Variants in TP63 observed in about 807,000 individuals in gnomAD.
TP63 encodes tumor protein p63, also known as tumor protein 63.
Under a neutral mutation model 82.8 loss-of-function variants are expected in TP63, and 17 were observed. The ratio of observed to expected loss-of-function variants is 0.21; its 90% CI spans 0.14 to 0.31. TP63 has a LOEUF of 0.31. Among genes scored for constraint, TP63 ranks in the 10% least tolerant of loss-of-function variants. The pLI, the probability that TP63 is intolerant of heterozygous loss-of-function variation, is 1.00. For synonymous variants in TP63, 330 were observed against 321.7 expected, an observed-to-expected ratio of 1.03 and a Z score of -0.28; for missense variants, 648 against 895.3, an observed-to-expected ratio of 0.72 and a Z score of 3.52.
At chr3:189,756,345 A>C (rs1398672276) in intron 3 of TP63, among the ~76,000 whole-genome samples, 1 of 152,082 alleles carries the variant, frequency 6.6e-6, no homozygotes, top group Non-Finnish European at 1.5e-5. Flanking sequence ...CTCAATATTC[A>C]CTCCGTTTAG....
intron 3 of TP63, among the ~76,000 whole-genome samples, chr3:189,752,440 C>T (rs1315589398): frequency 6.6e-6 from 1 of 152,152 alleles, no homozygotes. Flanking sequence ...CTCAGCCTCC[C>T]AAATTTCTAA....
At chr3:189,820,671 T>G (rs1181579065) in intron 4 of TP63, among the ~76,000 whole-genome samples, 1 of 152,198 alleles carries the variant, frequency 6.6e-6, no homozygotes, top group Non-Finnish European at 1.5e-5. Flanking sequence ...CATTTGTTAG[T>G]TAGATGTTTT....
intron 3 of TP63, among the ~76,000 whole-genome samples, chr3:189,745,638 C>T (rs887549682): frequency 8.0e-5 from 10 of 125,166 alleles, no homozygotes; most frequent in Middle Eastern, 6.2e-3. Context: ...ACCCAGGAGG[C>T]GGAGGTTGCA....
At chr3:189,717,228 G>C (rs1193214036) in intron 1 of TP63, among the ~76,000 whole-genome samples, 2 of 152,068 alleles carry the variant, frequency 1.3e-5, no homozygotes, top group Admixed American at 1.3e-4. Flanking sequence ...CTGCTCCCAT[G>C]TTTCAACATC....
chr3:189,744,615 G>A (rs1427463143), intron 3 of TP63, among the ~76,000 whole-genome samples: 1 of 152,116 alleles, frequency 6.6e-6, no homozygotes, highest in Non-Finnish European at 1.5e-5. Flanking sequence ...GCAGGCCTGG[G>A]GTCTGGCCCA....
At chr3:189,839,790 T>A (rs1157247556) in intron 4 of TP63, among the ~76,000 whole-genome samples, 3 of 152,194 alleles carry the variant, frequency 2.0e-5, no homozygotes, top group Non-Finnish European at 4.4e-5. Flanking sequence ...CAGGACAAGC[T>A]TGCAGTGGGC....
intron 1 of TP63, 60 bp downstream of exon 1, chr3:189,631,637 G>C (rs908607232): frequency 3.1e-6 from 5 of 1,610,260 alleles, no homozygotes; most frequent in Non-Finnish European, 4.2e-6. Flanking sequence ...TGTGTATTAT[G>C]AATGTGTCAG....
At chr3:189,606,485 G>A in the TP63 span, among the ~76,000 whole-genome samples, 2 of 146,734 alleles carry the variant, frequency 1.4e-5, no homozygotes, top group Non-Finnish European at 3.0e-5. Context: ...GTAATTGATA[G>A]ACAGCCTTCT....
At chr3:189,888,900 C>T (rs1268442126) in intron 11 of TP63, among the ~76,000 whole-genome samples, 29 of 152,196 alleles carry the variant, frequency 1.9e-4, no homozygotes, top group Non-Finnish European at 5.9e-5. Context: ...TATCCACTTA[C>T]CCTAAGTTTA....
At chr3:189,773,976 G>T (rs1484165413) in intron 3 of TP63, among the ~76,000 whole-genome samples, 1 of 136,886 alleles carries the variant, frequency 7.3e-6, no homozygotes, top group Non-Finnish European at 1.5e-5. Context: ...AGGCTGGAGT[G>T]CAGTGGCACG....
chr3:189,671,544 T>C (rs1204797625), intron 1 of TP63, among the ~76,000 whole-genome samples: 1 of 152,022 alleles, frequency 6.6e-6, no homozygotes, highest in Non-Finnish European at 1.5e-5. Context: ...AGGGTATTTA[T>C]TCAAAGGAAA....
intron 4 of TP63, among the ~76,000 whole-genome samples, chr3:189,840,336 GT>G (rs1029910721): frequency 5.5e-5 from 5 of 90,148 alleles, no homozygotes; most frequent in East Asian, 4.2e-4. Flanking sequence ...AAGGAATTGA[GT>G]TTTTTCTTTT....
At chr3:189,839,777 A>G (rs77921882) in intron 4 of TP63, among the ~76,000 whole-genome samples, 1,722 of 152,186 alleles carry the variant, frequency 0.011, 32 homozygotes, top group African/African-American at 0.04. Flanking sequence ...TTTTCTCCAC[A>G]CTCAGGACAA....
At position 189,879,967 on chromosome 3, in the gene TP63, T is replaced by C. The variant is rs910323198; in HGVS notation, c.1350-6427T>C. 1.7e-4 allele frequency: 253 copies of C among 1,487,088 alleles called. 1 individual carries two copies. Among genetic ancestry groups the C allele is most frequent in the Middle Eastern group, 7.2e-4 (4 of 5,520 alleles). The allele number at this position is 1,487,088 out of a possible 1,614,324, so 92.1% of individuals were successfully genotyped here. A position where few individuals can be genotyped will look rare whatever the true frequency, so the allele number is the denominator to read the frequency against. On this transcript the variant is annotated intron_variant, in intron 10 of 13. Coordinates refer to ENST00000264731, the MANE Select transcript of TP63 (RefSeq NM_003722.5). ...GCACTCTATTCTGTCTATACTATGA[T>C]CATGAAGGTATAAGGAGTGTGTTTC...
At chr3:189,803,264 C>T (rs1166407155) in intron 3 of TP63, among the ~76,000 whole-genome samples, 1 of 152,150 alleles carries the variant, frequency 6.6e-6, no homozygotes, top group Non-Finnish European at 1.5e-5. Flanking sequence ...TGCCATTGCA[C>T]TCCAGCCTGG....
chr3:189,861,778 A>T, intron 4 of TP63, among the ~76,000 whole-genome samples: 1 of 152,190 alleles, frequency 6.6e-6, no homozygotes, highest in East Asian at 1.9e-4. Context: ...AAAGGTAAAC[A>T]TTTGCATGGC....
At chr3:189,809,210 A>G (rs1003382444) in intron 4 of TP63, among the ~76,000 whole-genome samples, 2 of 152,168 alleles carry the variant, frequency 1.3e-5, no homozygotes, top group African/African-American at 4.8e-5. Flanking sequence ...AGAAATTGTT[A>G]AAGAAAAATC....
chr3:189,766,542 G>A (rs1722973624), intron 3 of TP63, among the ~76,000 whole-genome samples: 1 of 152,054 alleles, frequency 6.6e-6, no homozygotes, highest in African/African-American at 2.4e-5. Context: ...TTACTCTCCT[G>A]TTCCTTTCTC....
intron 4 of TP63, among the ~76,000 whole-genome samples, chr3:189,824,389 T>C (rs375503472): frequency 1.1e-3 from 161 of 151,984 alleles, no homozygotes; most frequent in African/African-American, 3.4e-3. Flanking sequence ...CCTGCCACCA[T>C]GCCTGGCTAA....
Sources: allele counts gnomAD v4.1 joint callset (sites outside exome capture counted in the v4.1 genomes callset), GRCh38; gene constraint gnomAD v4.1.1; transcripts MANE v1.5; gene names NCBI Gene and HGNC (gene_info 2026-07-23, HGNC 2026-07-21).